The following IGFL2 variants were observed in gnomAD, a reference collection of about 807,000 sequenced individuals.
IGFL2 encodes the protein IGF like family member 2, also known as insulin growth factor-like family member 2.
Under a neutral mutation model 13.9 loss-of-function variants are expected in IGFL2, and 7 were observed. The ratio of observed to expected loss-of-function variants is 0.51; its 90% confidence interval spans 0.29 to 0.95. The LOEUF (loss-of-function observed/expected upper bound fraction) is 0.95, where lower values mean the gene tolerates loss of function less well. IGFL2 is among the 40% of genes least tolerant of loss of function. The probability of loss-of-function intolerance (pLI) is 0.08; values close to 1 mark genes in which losing one functional copy is unlikely to be tolerated. For missense variants in IGFL2, 138 were observed against 147.8 expected (o/e 0.93, Z 0.34); for synonymous variants, 55 against 55.8 (o/e 0.99, Z 0.07).
At chr19:46,168,511 G>T in the IGFL2 span, among the ~76,000 whole-genome samples, 1 of 152,070 alleles carries the variant, frequency 6.6e-6, no homozygotes, top group Non-Finnish European at 1.5e-5. Context: ...GCTTGCTATT[G>T]CCACAAGTAG....
chr19:46,168,377 A>G, the IGFL2 span, among the ~76,000 whole-genome samples: 1 of 152,246 alleles, frequency 6.6e-6, no homozygotes, highest in African/African-American at 2.4e-5. Context: ...TATGTTTTTG[A>G]GAAAAGAACT....
the IGFL2 span, among the ~76,000 whole-genome samples, chr19:46,187,058 G>T: frequency 2.0e-5 from 3 of 152,276 alleles, no homozygotes; most frequent in Admixed American, 2.0e-4. Context: ...AGGGAGACCA[G>T]ACCTGGCTTT....
At chr19:46,118,710 G>A in the IGFL2 span, among the ~76,000 whole-genome samples, 33 of 152,318 alleles carry the variant, frequency 2.2e-4, no homozygotes, top group African/African-American at 7.7e-4. Context: ...GCAGAGGGGA[G>A]ACCAGGCACT....
upstream of IGFL2, among the ~76,000 whole-genome samples, chr19:46,147,362 C>G (rs995055433): frequency 6.6e-6 from 1 of 151,572 alleles, no homozygotes; most frequent in African/African-American, 2.4e-5. Context: ...TGTCGGGGTC[C>G]CCTTAGTTAC....
At chr19:46,168,245 A>C in the IGFL2 span, among the ~76,000 whole-genome samples, 13 of 152,314 alleles carry the variant, frequency 8.5e-5, no homozygotes, top group South Asian at 2.7e-3. Flanking sequence ...CAAGGATTAC[A>C]TGATTGTTTT....
the IGFL2 span, among the ~76,000 whole-genome samples, chr19:46,129,446 T>C: frequency 6.6e-6 from 1 of 151,720 alleles, no homozygotes; most frequent in Non-Finnish European, 1.5e-5. Flanking sequence ...GTTCTTTTAG[T>C]TGTGATGTTA....
chr19:46,198,468 C>G, the IGFL2 span: 2 of 152,014 alleles, frequency 1.3e-5, no homozygotes, highest in African/African-American at 2.4e-5. Flanking sequence ...AATTCTGCCT[C>G]GGTATGTGGC....
chr19:46,084,096 T>A, the IGFL2 span, among the ~76,000 whole-genome samples: 4 of 152,246 alleles, frequency 2.6e-5, no homozygotes, highest in African/African-American at 7.2e-5. Flanking sequence ...GTCTTTGTAC[T>A]GTTTCTGAAG....
upstream of IGFL2, chr19:46,148,182 C>G: frequency 8.8e-7 from 1 of 1,135,718 alleles, no homozygotes; most frequent in South Asian, 1.4e-5. Flanking sequence ...CTGGGCACCT[C>G]CCTAAATGTG....
chr19:46,206,747 G>C, the IGFL2 span: 1 of 152,162 alleles, frequency 6.6e-6, no homozygotes, highest in African/African-American at 2.4e-5. Context: ...TGAATAAATT[G>C]ATTCACAACC....
At chr19:46,150,111 G>A (rs569307964) in intron 1 of IGFL2, among the ~76,000 whole-genome samples, 160 of 152,206 alleles carry the variant, frequency 1.1e-3, no homozygotes, top group African/African-American at 2.5e-3. Context: ...TTTAATTTGC[G>A]TTTCCTTGGT....
the IGFL2 span, among the ~76,000 whole-genome samples, chr19:46,082,529 G>A: frequency 1.3e-5 from 2 of 152,196 alleles, no homozygotes; most frequent in Non-Finnish European, 2.9e-5. Flanking sequence ...ATACAGACAG[G>A]CATATTGTAC....
the IGFL2 span, among the ~76,000 whole-genome samples, chr19:46,109,700 G>A: frequency 6.6e-6 from 1 of 152,112 alleles, no homozygotes; most frequent in African/African-American, 2.4e-5. Context: ...ACCTTCTCAA[G>A]GGTGGGGAGG....
the IGFL2 span, among the ~76,000 whole-genome samples, chr19:46,109,852 G>A: frequency 1.5e-3 from 236 of 152,340 alleles, 1 homozygote; most frequent in African/African-American, 5.0e-3. Flanking sequence ...AATGTCATCA[G>A]TTAAGGCAGG....
At chr19:46,116,241 A>G in the IGFL2 span, among the ~76,000 whole-genome samples, 1 of 152,120 alleles carries the variant, frequency 6.6e-6, no homozygotes, top group Non-Finnish European at 1.5e-5. Flanking sequence ...GACATACCAA[A>G]TAATTTTCTC....
At chr19:46,107,876 G>A in the IGFL2 span, among the ~76,000 whole-genome samples, 19 of 152,314 alleles carry the variant, frequency 1.2e-4, no homozygotes, top group East Asian at 3.5e-3. Context: ...ACTGGGCTGG[G>A]TTTTTATATT....
At chr19:46,085,825 G>A in the IGFL2 span, among the ~76,000 whole-genome samples, 2 of 152,146 alleles carry the variant, frequency 1.3e-5, no homozygotes, top group African/African-American at 2.4e-5. Flanking sequence ...TGGCAGTAAT[G>A]AAGTCCCTTA....
chr19:46,160,496 G>A, intron 2 of IGFL2, 28 bp downstream of exon 2: 1 of 1,613,516 alleles, frequency 6.2e-7, no homozygotes, highest in Non-Finnish European at 8.5e-7. Flanking sequence ...CAAGAGTGAA[G>A]AGGAAGGAGG....
the IGFL2 span, chr19:46,212,713 T>TTCTCTCTCTCTCTCTCTC: frequency 1.2e-4 from 18 of 148,610 alleles, no homozygotes; most frequent in African/African-American, 4.0e-4. Context: ...TTCTCCTACC[T>TTCTCTCTCTCTCTCTCTC]TCTCTCTCTC....
Sources: allele counts gnomAD v4.1 joint callset (sites outside exome capture counted in the v4.1 genomes callset), GRCh38; gene constraint gnomAD v4.1.1; transcripts MANE v1.5; gene names NCBI Gene and HGNC (gene_info 2026-07-23, HGNC 2026-07-21).